GSTA4: variants seen among roughly 807,000 people sequenced by gnomAD.
GSTA4 encodes glutathione S-transferase A4.
GSTA4 carries 15 observed loss-of-function variants against 24.4 expected under a neutral mutation model. The observed-to-expected ratio is 0.61, with a 90% confidence interval of 0.41 to 0.95. GSTA4 has a LOEUF of 0.95. GSTA4 is among the 40% of genes least tolerant of loss of function. The pLI, the probability that GSTA4 is intolerant of heterozygous loss-of-function variation, is 0.00. For synonymous variants in GSTA4, 92 were observed against 94.2 expected, an observed-to-expected ratio of 0.98 and a Z score of 0.13; for missense variants, 244 against 262.1, an observed-to-expected ratio of 0.93 and a Z score of 0.48.
rs1763465317 is a variant in GSTA4, at chr6:52,982,274, C to T, written c.546+300G>A. Among the ~76,000 whole-genome samples, 5 of 152,020 alleles carry T rather than the reference C, an allele frequency of 3.3e-5. No individual in the cohort carries two copies. In the South Asian group the frequency reaches 1.0e-3, roughly 32 times the overall value. Reference sequence around the variant, plus strand: ...TGGCACATGCCTATAGTCCCTGCTACTCAGGAGACTGAGGTGGGAGGATCT... The same window carrying T: ...TGGCACATGCCTATAGTCCCTGCTATTCAGGAGACTGAGGTGGGAGGATCT... On this transcript the variant is annotated intron_variant, in intron 6 of 6. Coordinates refer to ENST00000370963, the MANE Select transcript of GSTA4 (RefSeq NM_001512.4).
chr6:52,978,380 C>T lies in GSTA4; in HGVS notation c.*90G>A. On this transcript the variant is annotated 3_prime_UTR_variant, in exon 7 of 7. Transcript: ENST00000370963. ...AGGACCCAACTTAATACATAGATAGCACCATGACAGAGCTGGGATCCATTA... is the reference window on the plus strand; with the variant it reads ...AGGACCCAACTTAATACATAGATAGTACCATGACAGAGCTGGGATCCATTA... The T allele has an allele frequency of 1.5e-6, 2 of 1,304,362 alleles. No individual in the cohort carries two copies. The highest frequency in any genetic ancestry group is 2.2e-6 in the Non-Finnish European group (2 of 925,444). 80.8% of individuals were successfully genotyped at this position (1,304,362 alleles called of 1,614,324 possible). A position where few individuals can be genotyped will look rare whatever the true frequency, so the allele number is the denominator to read the frequency against.
intron 5 of GSTA4, among the ~76,000 whole-genome samples, chr6:52,982,998 G>T (rs1051538470): frequency 6.6e-6 from 1 of 152,064 alleles, no homozygotes; most frequent in Non-Finnish European, 1.5e-5. Context: ...AAGTGGGGAA[G>T]GGAAAATTCC....
At chr6:52,981,995 G>A (rs1002578234) in intron 6 of GSTA4, among the ~76,000 whole-genome samples, 1 of 152,182 alleles carries the variant, frequency 6.6e-6, no homozygotes, top group Non-Finnish European at 1.5e-5. Context: ...TGCTCTCAGA[G>A]CTCAGGCTTA....
At chr6:52,982,475 T>TACACACACACACAC in intron 6 of GSTA4, 99 bp downstream of exon 6, 1 of 577,204 alleles carries the variant, frequency 1.7e-6, no homozygotes, top group East Asian at 3.6e-5. Flanking sequence ...ATATTACACA[T>TACACACACACACAC]ACACACACAC....
intron 2 of GSTA4, among the ~76,000 whole-genome samples, chr6:52,990,130 C>T (rs990857280): frequency 3.9e-5 from 6 of 152,102 alleles, no homozygotes; most frequent in East Asian, 1.9e-4. Context: ...AAGGGGTCTT[C>T]GGGCAAGTAA....
At chr6:52,987,583 TA>T in intron 2 of GSTA4, 175 bp from the exon 3 acceptor site, 1 of 513,794 alleles carries the variant, frequency 1.9e-6, no homozygotes, top group Non-Finnish European at 3.4e-6. Flanking sequence ...ATGTGGGAGC[TA>T]AAAAAGTGGA....
intron 6 of GSTA4, among the ~76,000 whole-genome samples, chr6:52,980,307 C>CTT (rs1211162236): frequency 1.2e-5 from 1 of 85,172 alleles, no homozygotes; most frequent in East Asian, 7.0e-4. Flanking sequence ...AAAGATTTCA[C>CTT]TTTGTTTTTT....
chr6:52,987,205 C>T lies in GSTA4; in HGVS notation c.139+152G>A. 3 of 612,290 alleles carry T rather than the reference C, an allele frequency of 4.9e-6. No homozygotes were observed. The South Asian group carries it at 6.6e-5, about 13-fold the overall frequency. The allele number at this position is 612,290 out of a possible 1,614,324, so 37.9% of individuals were successfully genotyped here. A position where few individuals can be genotyped will look rare whatever the true frequency, so the allele number is the denominator to read the frequency against. On this transcript the variant is annotated intron_variant, in intron 3 of 6. Transcript: ENST00000370963. ...TATTGAATAAGAAGTGATTTCCTGG[C>T]AATTTCAACTATTTATTCCCTCTTG...
At position 52,984,439 on chromosome 6, in the gene GSTA4, G is replaced by A. The variant is rs761418395; in HGVS notation, c.414+25C>T. The stretch of plus-strand genomic sequence containing the variant: ...GTGGTTTGTGGTTTGGTTGCTCTGT[G>A]TATGTAGGCATCTCTGCCACCTACC... On this transcript the variant is annotated intron_variant, in intron 5 of 6. Transcript: ENST00000370963. The A allele has an allele frequency of 3.2e-5, 51 of 1,604,448 alleles. 1 individual carries two copies. In the Middle Eastern group the frequency reaches 1.3e-3, roughly 42 times the overall value.
intron 2 of GSTA4, among the ~76,000 whole-genome samples, chr6:52,988,633 G>T (rs933854663): frequency 1.5e-4 from 23 of 152,144 alleles, no homozygotes; most frequent in Admixed American, 2.0e-4. Context: ...TGAAAAAAAA[G>T]TCAGGTCCTG....
chr6:52,984,093 C>CTA (rs3215887), intron 5 of GSTA4, among the ~76,000 whole-genome samples: 85,572 of 151,854 alleles, frequency 0.56, 24,427 homozygotes, highest in East Asian at 0.74. Context: ...AGGATGTCAG[C>CTA]TGAGACAGCT....
intron 3 of GSTA4, among the ~76,000 whole-genome samples, chr6:52,986,779 T>C (rs989853594): frequency 2.6e-5 from 4 of 152,158 alleles, no homozygotes; most frequent in Non-Finnish European, 4.4e-5. Context: ...AGGACCCTGC[T>C]GTTGGCTGGG....
Position 52,994,232 on chromosome 6 carries a change from C to T in GSTA4, c.12G>A (p.Arg4=), listed in dbSNP as rs1188664312. ...TTCCGTTGGGATAGTGGAGCTTGGG[C>T]CTTGCTGCCATGATAGCTTTTCAGG... MAA[R]PKLHYPNGRG... is the part of the protein sequence containing the mutation. Residue 4 remains arginine, a synonymous_variant, in exon 2 of 7, where the codon AGG becomes AGA. Coordinates refer to ENST00000370963, the MANE Select transcript of GSTA4 (RefSeq NM_001512.4). The T allele has an allele frequency of 1.2e-6, 2 of 1,611,850 alleles. No homozygotes were observed. Among genetic ancestry groups the T allele is most frequent in the Non-Finnish European group, 1.7e-6 (2 of 1,177,990 alleles).
At position 52,978,160 on chromosome 6, in the gene GSTA4, A is replaced by T. The variant is rs1763380616; in HGVS notation, c.*310T>A. The T allele has an allele frequency of 3.4e-6, 1 of 293,238 alleles. No homozygotes were observed. The highest frequency in any genetic ancestry group is 2.3e-5 in the African/African-American group (1 of 43,820). 18.2% of individuals were successfully genotyped at this position (293,238 alleles called of 1,614,324 possible). ...AGGAGAGTAGAAAGACACTCAGGAGAGAACAAGAGATCCTGCCCATTCTTA... is the reference window on the plus strand; with the variant it reads ...AGGAGAGTAGAAAGACACTCAGGAGTGAACAAGAGATCCTGCCCATTCTTA... On this transcript the variant is annotated 3_prime_UTR_variant, in exon 7 of 7. Transcript: ENST00000370963.
At chr6:52,991,335 T>C (rs948001298) in intron 2 of GSTA4, among the ~76,000 whole-genome samples, 2 of 152,060 alleles carry the variant, frequency 1.3e-5, no homozygotes, top group Non-Finnish European at 2.9e-5. Context: ...AAACCACAAG[T>C]TGAAAAGAAT....
intron 6 of GSTA4, among the ~76,000 whole-genome samples, chr6:52,980,945 A>C (rs966533746): frequency 6.6e-6 from 1 of 152,216 alleles, no homozygotes; most frequent in Admixed American, 6.5e-5. Context: ...TGAAGCTGGC[A>C]CTCAACAAGT....
intron 3 of GSTA4, among the ~76,000 whole-genome samples, chr6:52,986,368 G>A (rs984182193): frequency 6.6e-6 from 1 of 152,200 alleles, no homozygotes; most frequent in Admixed American, 6.5e-5. Flanking sequence ...ACTGTAGAAT[G>A]TTCTGCTGGA....
intron 2 of GSTA4, among the ~76,000 whole-genome samples, chr6:52,993,382 A>G (rs1005307874): frequency 2.0e-5 from 3 of 152,254 alleles, no homozygotes; most frequent in African/African-American, 7.2e-5. Flanking sequence ...ACCAATGTCT[A>G]GATCCAAACT....
chr6:52,986,904 A>AG (rs556654748), intron 3 of GSTA4, among the ~76,000 whole-genome samples: 65 of 152,216 alleles, frequency 4.3e-4, no homozygotes, highest in Admixed American at 5.9e-4. Flanking sequence ...AGGTGAAGGG[A>AG]GGGGGCAGTT....
Sources: gnomAD v4.1 joint callset for allele counts (sites outside exome capture counted in the v4.1 genomes callset) on GRCh38, gnomAD v4.1.1 for gene constraint, MANE v1.5 for transcripts, NCBI Gene and HGNC (gene_info 2026-07-23, HGNC 2026-07-21) for gene names.